Variants in CMTM7 observed in about 807,000 individuals in gnomAD.
CMTM7 encodes CKLF-like MARVEL transmembrane domain-containing protein 7.
In CMTM7, 7 loss-of-function variants were observed where a neutral mutation model predicts 19.3. The ratio of observed to expected loss-of-function variants is 0.36; its 90% CI spans 0.21 to 0.68. The LOEUF is 0.68. CMTM7 is among the 30% of genes least tolerant of loss of function. CMTM7 has a pLI of 0.60. For synonymous variants in CMTM7, 87 were observed against 99.3 expected (o/e 0.88, Z 0.74); for missense variants, 193 against 232.6 (o/e 0.83, Z 1.11).
intron 4 of CMTM7, 72 bp downstream of exon 4, chr3:32,452,545 T>A: frequency 6.7e-7 from 1 of 1,482,250 alleles, no homozygotes; most frequent in African/African-American, 1.4e-5. Flanking sequence ...ACTTCAGCCA[T>A]AGGGACAAAC....
In CMTM7 at chr3:32,413,799, A is replaced by T. The variant is rs184220935; in HGVS notation, c.159+21734A>T. On this transcript the variant is annotated intron_variant, in intron 1 of 4. Transcript: ENST00000334983. ...ACTTTTTTGGGGAAAGAGCCCACTTAAACAGTTGCAGTGGCCATACTGGTG... is the reference window on the plus strand; with the variant it reads ...ACTTTTTTGGGGAAAGAGCCCACTTTAACAGTTGCAGTGGCCATACTGGTG... Among the ~76,000 whole-genome samples the T allele has an allele frequency of 3.9e-5, 6 of 152,224 alleles. No individual in the cohort carries two copies. The East Asian group carries it at 1.2e-3, about 29-fold the overall frequency.
At chr3:32,439,700 G>A (rs1183069400) in intron 1 of CMTM7, among the ~76,000 whole-genome samples, 5 of 152,294 alleles carry the variant, frequency 3.3e-5, no homozygotes, top group East Asian at 1.9e-4. Flanking sequence ...TGATCCACCC[G>A]CCTTGGCCTC....
Position 32,421,062 on chromosome 3 carries a change from C to CCTCCTCTCCCACCCAG in CMTM7, c.160-20767_160-20752dup, listed in dbSNP as rs377257049. Among the ~76,000 whole-genome samples, 978 of 152,076 alleles carry CCTCCTCTCCCACCCAG rather than the reference C, an allele frequency of 6.4e-3. 9 individuals are homozygous for CCTCCTCTCCCACCCAG. The highest frequency in any genetic ancestry group is 0.023 in the African/African-American group (939 of 41,416). On this transcript the variant is annotated intron_variant, in intron 1 of 4. Coordinates refer to ENST00000334983, the MANE Select transcript of CMTM7 (RefSeq NM_138410.4). ...CTGGGACATTCCTGCCACCTGCTGC[C>CCTCCTCTCCCACCCAG]CTCCTCTCCCACCCAGCTCCTCTCC... is the stretch of plus-strand genomic sequence containing the variant.
intron 2 of CMTM7, among the ~76,000 whole-genome samples, chr3:32,448,354 C>T (rs1190706045): frequency 1.3e-5 from 2 of 152,206 alleles, no homozygotes; most frequent in African/African-American, 4.8e-5. Context: ...TTTGATTTTA[C>T]ATAGCTTTGA....
intron 1 of CMTM7, among the ~76,000 whole-genome samples, chr3:32,399,293 T>G (rs1695966812): frequency 6.8e-6 from 1 of 147,662 alleles, no homozygotes; most frequent in African/African-American, 2.6e-5. Context: ...GTCACAGGGA[T>G]TAGGGTTATA....
At chr3:32,409,181 C>T (rs890614853) in intron 1 of CMTM7, among the ~76,000 whole-genome samples, 3 of 152,066 alleles carry the variant, frequency 2.0e-5, no homozygotes, top group Non-Finnish European at 2.9e-5. Flanking sequence ...GTGCCTGGGC[C>T]GTAACTTTTT....
chr3:32,403,918 T>G (rs1432847033), intron 1 of CMTM7, among the ~76,000 whole-genome samples: 1 of 152,182 alleles, frequency 6.6e-6, no homozygotes, highest in Non-Finnish European at 1.5e-5. Context: ...TGAATTCAGC[T>G]GGAGTGGGGA....
chr3:32,433,066 G>A (rs1204980444), intron 1 of CMTM7, among the ~76,000 whole-genome samples: 1 of 152,166 alleles, frequency 6.6e-6, no homozygotes, highest in Admixed American at 6.5e-5. Flanking sequence ...AAAGAAACCA[G>A]GAAATTGCGT....
At chr3:32,409,552 C>G (rs746540268) in intron 1 of CMTM7, among the ~76,000 whole-genome samples, 2 of 152,182 alleles carry the variant, frequency 1.3e-5, no homozygotes, top group Non-Finnish European at 2.9e-5. Context: ...GATCCCATCC[C>G]AGATCATAAG....
intron 3 of CMTM7, among the ~76,000 whole-genome samples, chr3:32,450,573 A>G (rs1696814983): frequency 6.6e-6 from 1 of 152,138 alleles, no homozygotes; most frequent in Non-Finnish European, 1.5e-5. Context: ...AGGTCACTGT[A>G]GAGGGTGGCC....
intron 1 of CMTM7, among the ~76,000 whole-genome samples, chr3:32,428,910 G>C (rs1696473028): frequency 6.6e-6 from 1 of 152,182 alleles, no homozygotes; most frequent in Non-Finnish European, 1.5e-5. Context: ...TCAGACACCA[G>C]CCAGGGTTTG....
At chr3:32,393,241 T>A (rs1444094488) in intron 1 of CMTM7, among the ~76,000 whole-genome samples, 4 of 152,184 alleles carry the variant, frequency 2.6e-5, no homozygotes, top group Non-Finnish European at 4.4e-5. Context: ...GGGCGCTGAG[T>A]TCCTGCCTCC....
At chr3:32,410,154 C>A (rs539133226) in intron 1 of CMTM7, among the ~76,000 whole-genome samples, 1 of 152,314 alleles carries the variant, frequency 6.6e-6, no homozygotes, top group East Asian at 1.9e-4. Flanking sequence ...CACCACCCTG[C>A]TACCATCACT....
chr3:32,454,333 G>A lies in CMTM7; in HGVS notation c.*79G>A. The A allele has an allele frequency of 1.9e-6, 3 of 1,571,518 alleles. No homozygotes were observed. Among genetic ancestry groups the A allele is most frequent in the Non-Finnish European group, 2.6e-6 (3 of 1,142,920 alleles). On this transcript the variant is annotated 3_prime_UTR_variant, in exon 5 of 5. Transcript: ENST00000334983. ...CTCCAGGCGAGGCCTCTGGACCTGT[G>A]TTCCTGTGCCAAAGTCCTGTCAGGC...
At chr3:32,429,664 G>A (rs920843853) in intron 1 of CMTM7, among the ~76,000 whole-genome samples, 4 of 149,354 alleles carry the variant, frequency 2.7e-5, no homozygotes, top group South Asian at 2.1e-4. Flanking sequence ...GCAGTGGCGC[G>A]ATCTTGGCTC....
chr3:32,409,891 T>TA (rs1454555280), intron 1 of CMTM7, among the ~76,000 whole-genome samples: 4 of 152,272 alleles, frequency 2.6e-5, no homozygotes, highest in African/African-American at 9.6e-5. Flanking sequence ...CCTGTTCTTT[T>TA]AAAAAGCCTT....
intron 1 of CMTM7, among the ~76,000 whole-genome samples, chr3:32,393,304 G>C (rs1017363385): frequency 6.6e-6 from 1 of 152,156 alleles, no homozygotes; most frequent in African/African-American, 2.4e-5. Flanking sequence ...TTTCAGCAAC[G>C]TACAAAAAAA....
At chr3:32,393,885 T>A (rs1422337131) in intron 1 of CMTM7, among the ~76,000 whole-genome samples, 1 of 151,736 alleles carries the variant, frequency 6.6e-6, no homozygotes, top group Non-Finnish European at 1.5e-5. Flanking sequence ...CTCCATCTCA[T>A]CTTAAGCTCC....
At chr3:32,416,848 A>G (rs1022358455) in intron 1 of CMTM7, among the ~76,000 whole-genome samples, 1 of 152,196 alleles carries the variant, frequency 6.6e-6, no homozygotes. Flanking sequence ...AGTCATTTCT[A>G]TGGAAATGAA....
Sources: allele counts gnomAD v4.1 joint callset (sites outside exome capture counted in the v4.1 genomes callset), GRCh38; gene constraint gnomAD v4.1.1; transcripts MANE v1.5; gene names NCBI Gene and HGNC (gene_info 2026-07-23, HGNC 2026-07-21).